Variants in ANO3 observed in about 807,000 individuals in gnomAD.
The protein encoded by ANO3 is anoctamin 3, also known as anoctamin-3.
Under a neutral mutation model 144.8 loss-of-function variants are expected in ANO3, and 99 were observed. The ratio of observed to expected loss-of-function variants is 0.68; its 90% CI spans 0.58 to 0.81. The LOEUF is 0.81. ANO3 is among the 30% of genes least tolerant of loss of function. The pLI is 0.00. For synonymous variants in ANO3, 414 were observed against 392.6 expected (o/e 1.05, Z -0.64); for missense variants, 905 against 1,202.2 (o/e 0.75, Z 3.66).
chr11:26,618,880 G>A (rs560722805), intron 17 of ANO3, among the ~76,000 whole-genome samples: 3 of 152,122 alleles, frequency 2.0e-5, no homozygotes, highest in Non-Finnish European at 2.9e-5. Context: ...CCTCCATAAA[G>A]CATTTTTTTC....
intron 14 of ANO3, among the ~76,000 whole-genome samples, chr11:26,593,053 C>A (rs1274339715): frequency 1.3e-5 from 2 of 152,030 alleles, no homozygotes; most frequent in African/African-American, 4.8e-5. Context: ...CCTTTCCTTT[C>A]CTTTCTGATG....
intron 1 of ANO3, among the ~76,000 whole-genome samples, chr11:26,404,246 A>G (rs915773153): frequency 1.4e-4 from 21 of 151,828 alleles, no homozygotes; most frequent in Non-Finnish European, 1.5e-5. Flanking sequence ...ACATTAAGTA[A>G]CTCAGTCTTC....
intron 17 of ANO3, among the ~76,000 whole-genome samples, chr11:26,622,979 A>C (rs966641564): frequency 1.3e-5 from 2 of 152,172 alleles, no homozygotes; most frequent in African/African-American, 4.8e-5. Flanking sequence ...CTCCTTGGAG[A>C]CCCTGCTATG....
intron 1 of ANO3, among the ~76,000 whole-genome samples, chr11:26,225,802 G>A (rs1460873483): frequency 6.6e-6 from 1 of 152,134 alleles, no homozygotes; most frequent in East Asian, 1.9e-4. Context: ...CTGGAGTGAA[G>A]CAACATAGAA....
chr11:26,254,368 C>T (rs1000621245), intron 1 of ANO3, among the ~76,000 whole-genome samples: 13 of 151,990 alleles, frequency 8.6e-5, no homozygotes, highest in Middle Eastern at 3.2e-3. Flanking sequence ...AACATCAGAG[C>T]GGCAGAAATA....
intron 1 of ANO3, among the ~76,000 whole-genome samples, chr11:26,320,786 G>A (rs187329693): frequency 2.6e-4 from 40 of 151,700 alleles, no homozygotes; most frequent in Non-Finnish European, 4.9e-4. Flanking sequence ...TTACTGTTTT[G>A]TTTGCATTTA....
rs1429799515 is a variant in ANO3, at chr11:26,235,049, TA to T, written c.154+45722del. Among the ~76,000 whole-genome samples, 5 of 113,890 alleles carry T rather than the reference TA, an allele frequency of 4.4e-5. No individual in the cohort carries two copies. In the Admixed American group the frequency reaches 4.4e-4, roughly 10 times the overall value. The allele number at this position is 113,890 out of a possible 152,430, so 74.7% of individuals were successfully genotyped here. On this transcript the variant is annotated intron_variant, in intron 1 of 27. Coordinates refer to the ANO3 transcript ENST00000672621. ...GATGAGGGGAGAGCGAGAGTGAAAT[TA>T]AACCTTCCTATTAGATTTTGTTCTG...
In ANO3 at chr11:26,629,700, C is replaced by T. The variant is rs1051448652; in HGVS notation, c.1874-4504C>T. Among the ~76,000 whole-genome samples, 11 of 152,032 alleles carry T rather than the reference C, an allele frequency of 7.2e-5. No individual in the cohort carries two copies. The East Asian group carries it at 9.7e-4, about 13-fold the overall frequency. On this transcript the variant is annotated intron_variant, in intron 18 of 26. Coordinates refer to ENST00000256737, the MANE Select transcript of ANO3 (RefSeq NM_031418.4). ...AGGCTGGAAGGCAATGGTGCAATCT[C>T]GACTCACCGCAACCTCCGCCTCTCA...
Position 26,412,664 on chromosome 11 carries a change from C to T in ANO3, c.47-29254C>T, listed in dbSNP as rs565369306. 4.0e-5 allele frequency among the ~76,000 whole-genome samples: 6 copies of T among 151,828 alleles called. No individual in the cohort carries two copies. In the East Asian group the frequency reaches 5.9e-4, roughly 15 times the overall value. On this transcript the variant is annotated intron_variant, in intron 1 of 26. Coordinates refer to ENST00000256737, the MANE Select transcript of ANO3 (RefSeq NM_031418.4). Reference sequence around the variant, plus strand: ...ATCTGTCTTTCTTGACCTCAAGAGGCGGAGTACAGTGGTAAAGATACAGCT... The same window carrying T: ...ATCTGTCTTTCTTGACCTCAAGAGGTGGAGTACAGTGGTAAAGATACAGCT...
intron 20 of ANO3, among the ~76,000 whole-genome samples, chr11:26,637,783 T>C (rs374760566): frequency 9.5e-6 from 1 of 105,734 alleles, no homozygotes; most frequent in Non-Finnish European, 2.2e-5. Context: ...TTGTGTCTTA[T>C]TTGTTCTCTT....
rs1422590757 is a variant in ANO3 at position 26,525,655 on chromosome 11, A to T, written c.713A>T (p.Asp238Val). 1.2e-6 allele frequency: 2 copies of T among 1,610,784 alleles called. No individual in the cohort carries two copies. The highest frequency in any genetic ancestry group is 2.7e-5 in the African/African-American group (2 of 74,718). ...MPFRKKCYYT[D>V]GRSKSMGRMQ... ...TTCAGGAAAAAATGCTATTACACTGACGGGAGGAGCAAATCAATGGGCAGG... is the reference window on the plus strand; with the variant it reads ...TTCAGGAAAAAATGCTATTACACTGTCGGGAGGAGCAAATCAATGGGCAGG... Residue 238 changes from aspartate (D) to valine (V), a missense_variant, in exon 7 of 27, where the codon GAC becomes GTC. This residue lies in a region of ANO3 where 71 missense variants were observed against 57.9 expected (regional missense o/e 1.23). Transcript: ENST00000256737.
At chr11:26,328,200 T>C (rs1327285836), upstream of ANO3, among the ~76,000 whole-genome samples, 1 of 152,188 alleles carries the variant, frequency 6.6e-6, no homozygotes, top group African/African-American at 2.4e-5. Flanking sequence ...AGCCTGGATA[T>C]CATCAGGATG....
chr11:26,374,178 T>C (rs1250389561), intron 1 of ANO3, among the ~76,000 whole-genome samples: 1 of 152,240 alleles, frequency 6.6e-6, no homozygotes, highest in Non-Finnish European at 1.5e-5. Flanking sequence ...TCTTAATATC[T>C]ATATTCCTTT....
intron 13 of ANO3, among the ~76,000 whole-genome samples, chr11:26,555,742 G>A (rs1176499414): frequency 6.6e-6 from 1 of 152,026 alleles, no homozygotes; most frequent in Non-Finnish European, 1.5e-5. Context: ...TTCCCTTATT[G>A]GATGGAAATC....
chr11:26,449,331 CAG>C (rs1858826812), intron 3 of ANO3, among the ~76,000 whole-genome samples: 1 of 152,168 alleles, frequency 6.6e-6, no homozygotes, highest in South Asian at 2.1e-4. Flanking sequence ...TTCCAGAAGA[CAG>C]AAACTGTCAA....
chr11:26,546,173 GT>G (rs1008890026), intron 11 of ANO3, among the ~76,000 whole-genome samples: 85 of 149,812 alleles, frequency 5.7e-4, no homozygotes, highest in African/African-American at 2.0e-3. Context: ...ACAAACAAAT[GT>G]TTTTTTTTCA....
chr11:26,382,270 C>G (rs775288178), intron 1 of ANO3, among the ~76,000 whole-genome samples: 2 of 152,098 alleles, frequency 1.3e-5, no homozygotes, highest in Non-Finnish European at 2.9e-5. Context: ...ATTATAATAA[C>G]AACAGTAGTA....
chr11:26,578,663 T>TA (rs1282002095), intron 14 of ANO3, among the ~76,000 whole-genome samples: 3 of 152,112 alleles, frequency 2.0e-5, no homozygotes, highest in Admixed American at 2.0e-4. Flanking sequence ...GGTTAAAAAG[T>TA]ACGATTATAT....
rs201093158 is a variant in ANO3 at position 26,553,219 on chromosome 11, G to GTTT, written c.1290-28_1290-26dup. Reference sequence around the variant, plus strand: ...TAGTCACAGTTTCATGCTATGTTTTGTTTTGTTTTTGTTTTTGTTTTTTCT... The same window carrying GTTT: ...TAGTCACAGTTTCATGCTATGTTTTGTTTTTTTGTTTTTGTTTTTGTTTTTTCT... On this transcript the variant is annotated intron_variant, in intron 12 of 26. Coordinates refer to ENST00000256737, the MANE Select transcript of ANO3 (RefSeq NM_031418.4). 3,529 of 1,195,994 alleles carry GTTT rather than the reference G, an allele frequency of 3.0e-3. 218 individuals are homozygous for GTTT. The highest frequency in any genetic ancestry group is 8.2e-3 in the South Asian group (620 of 76,070). 74.1% of individuals were successfully genotyped at this position (1,195,994 alleles called of 1,614,324 possible).
Sources: allele counts gnomAD v4.1 joint callset (sites outside exome capture counted in the v4.1 genomes callset), GRCh38; gene constraint gnomAD v4.1.1; regional missense constraint gnomAD v4.1.1; transcripts MANE v1.5; gene names NCBI Gene and HGNC (gene_info 2026-07-23, HGNC 2026-07-21).